The following CDHR2 variants were observed in gnomAD, a reference collection of about 807,000 sequenced individuals.
The protein encoded by CDHR2 is cadherin-related family member 2.
In CDHR2, 104 loss-of-function variants were observed where a neutral mutation model predicts 138.6. The observed-to-expected ratio is 0.75, with a 90% CI of 0.64 to 0.88. CDHR2 has a LOEUF of 0.88. Among genes scored for constraint, CDHR2 ranks in the 40% least tolerant of loss-of-function variants. The pLI is 0.00. For missense variants in CDHR2, 1,624 were observed against 1,727.6 expected, an observed-to-expected ratio of 0.94 and a Z score of 1.06; for synonymous variants, 755 against 742.8, an observed-to-expected ratio of 1.02 and a Z score of -0.27.
At chr5:176,556,217 A>T (rs1463129653) in intron 1 of CDHR2, among the ~76,000 whole-genome samples, 1 of 152,126 alleles carries the variant, frequency 6.6e-6, no homozygotes, top group Non-Finnish European at 1.5e-5. Context: ...TAAAAATATC[A>T]AATAGGCCAG....
chr5:176,589,608 G>A lies in CDHR2; in HGVS notation c.3198G>A (p.Ala1066=). Residue 1066 remains alanine, a synonymous_variant, in exon 24 of 32, where the codon GCG becomes GCA. Transcript: ENST00000261944. ...AGGAGGTGGGCGCCAACAGACAGGCGATTAATGCGTAGGTCTGGGGAGCCC... is the reference window on the plus strand; with the variant it reads ...AGGAGGTGGGCGCCAACAGACAGGCAATTAATGCGTAGGTCTGGGGAGCCC... ...PKEEVGANRQ[A]INAALTQATR... 5 of 1,613,960 alleles carry A rather than the reference G, an allele frequency of 3.1e-6. No individual in the cohort carries two copies. Among genetic ancestry groups the A allele is most frequent in the South Asian group, 2.2e-5 (2 of 91,082 alleles).
At chr5:176,574,425 A>G (rs1428043553) in intron 7 of CDHR2, among the ~76,000 whole-genome samples, 1 of 152,074 alleles carries the variant, frequency 6.6e-6, no homozygotes, top group East Asian at 1.9e-4. Flanking sequence ...TCCAAATTCC[A>G]CAGACAATAA....
At chr5:176,591,590 T>C in intron 30 of CDHR2, 106 bp downstream of exon 30, 1 of 867,316 alleles carries the variant, frequency 1.2e-6, no homozygotes, top group Admixed American at 1.8e-5. Flanking sequence ...ACAATGGTGA[T>C]GGTGTGGTCA....
In CDHR2 at chr5:176,577,842, G is replaced by C; in HGVS notation, c.1512+44G>C. 2.5e-6 allele frequency: 4 copies of C among 1,594,470 alleles called. No individual in the cohort carries two copies. The East Asian group carries it at 9.1e-5, about 36-fold the overall frequency. ...GTGGGGCTGTGGGGTCCCAGCAAGC[G>C]GGCGTGCATGTGTGAGTGTGAGAGT... On this transcript the variant is annotated intron_variant, in intron 14 of 31. Coordinates refer to ENST00000261944, the MANE Select transcript of CDHR2 (RefSeq NM_017675.6).
chr5:176,576,230 C>T lies in CDHR2; in HGVS notation c.1194+45C>T. 2 of 1,432,350 alleles carry T rather than the reference C, an allele frequency of 1.4e-6. No individual in the cohort carries two copies. Among genetic ancestry groups the T allele is most frequent in the South Asian group, 1.2e-5 (1 of 83,912 alleles). The allele number at this position is 1,432,350 out of a possible 1,614,324, so 88.7% of individuals were successfully genotyped here. On this transcript the variant is annotated intron_variant, in intron 12 of 31. Transcript: ENST00000261944. This position sits in a 1 kb window ranked among gnomAD's most constrained non-coding sequence, Gnocchi z 4.5. ...TGTGGGCGGGGGTGGCTGGGGGAGG[C>T]CAGTGGGAGCCTGGATCGAGTGACG...
At chr5:176,555,977 C>T (rs918881334) in intron 1 of CDHR2, among the ~76,000 whole-genome samples, 1 of 152,184 alleles carries the variant, frequency 6.6e-6, no homozygotes, top group Admixed American at 6.5e-5. Flanking sequence ...AACATCCTTC[C>T]TGTGTCTCAT....
At chr5:176,570,494 C>T (rs1054419774) in intron 5 of CDHR2, among the ~76,000 whole-genome samples, 1 of 152,200 alleles carries the variant, frequency 6.6e-6, no homozygotes, top group Non-Finnish European at 1.5e-5. Context: ...TACAGGCGCT[C>T]ACCAACCATA....
Position 176,575,809 on chromosome 5 carries a change from G to A in CDHR2, c.930G>A (p.Glu310=). ...NGSLDREQLL[E]ADEEVQLQVT... ...CCCTGGACCGTGAGCAGCTGCTGGA[G>A]GCGGATGAGGAGGTGCAGCTGCAGG... The change falls in exon 11 of 32, where the codon GAG becomes GAA. Residue 310 remains glutamate (E), a synonymous_variant. Coordinates refer to ENST00000261944, the MANE Select transcript of CDHR2 (RefSeq NM_017675.6). 6.4e-7 allele frequency: 1 copy of A among 1,554,022 alleles called. No homozygotes were observed. Among genetic ancestry groups the A allele is most frequent in the Non-Finnish European group, 8.7e-7 (1 of 1,148,270 alleles).
Position 176,581,509 on chromosome 5 carries a change from T to G in CDHR2, c.1985T>G (p.Val662Gly), listed in dbSNP as rs1360328506. Residue 662 changes from valine to glycine, a missense_variant, in exon 17 of 32, where the codon GTG (valine) becomes GGG (glycine). By Grantham distance (109) the Val-to-Gly change is moderately radical (BLOSUM62 -3). This residue lies in a region of CDHR2 where 1,061 missense variants were observed against 1,136.6 expected (regional missense o/e 0.93). Coordinates refer to ENST00000261944, the MANE Select transcript of CDHR2 (RefSeq NM_017675.6). ...AIDPALEGRI[V>G]LTVLVSDCGE... ...GACCCCGCCCTGGAGGGCCGCATTGTGCTGACAGTGCTTGTGTCTGACTGC... is the reference window on the plus strand; with the variant it reads ...GACCCCGCCCTGGAGGGCCGCATTGGGCTGACAGTGCTTGTGTCTGACTGC... 1 of 1,614,194 alleles carries G rather than the reference T, an allele frequency of 6.2e-7. No individual in the cohort carries two copies. Among genetic ancestry groups the G allele is most frequent in the East Asian group, 2.2e-5 (1 of 44,880 alleles).
Position 176,571,205 on chromosome 5 carries a change from A to G in CDHR2, c.316-8A>G, listed in dbSNP as rs775365975. On this transcript the variant is annotated splice_region_variant and splice_polypyrimidine_tract_variant and intron_variant, in intron 5 of 31. Transcript: ENST00000261944. ...TTTCTGGGGTCCCCTGGGCTTTCTC[A>G]CTTGCAGGTGCAGAGGGAGATGCTG... The G allele has an allele frequency of 6.2e-7, 1 of 1,606,138 alleles. No homozygotes were observed. Among genetic ancestry groups the G allele is most frequent in the Non-Finnish European group, 8.5e-7 (1 of 1,173,612 alleles).
At chr5:176,589,862 T>A (rs112145661) in intron 24 of CDHR2, among the ~76,000 whole-genome samples, 2 of 152,216 alleles carry the variant, frequency 1.3e-5, no homozygotes, top group Admixed American at 6.5e-5. Flanking sequence ...GGCTGTGTGT[T>A]GCACAAGGGC....
Position 176,589,435 on chromosome 5 carries a change from G to A in CDHR2, c.3114G>A (p.Leu1038=). The A allele has an allele frequency of 6.2e-7, 1 of 1,603,890 alleles. No homozygotes were observed. Among genetic ancestry groups the A allele is most frequent in the Non-Finnish European group, 8.5e-7 (1 of 1,173,460 alleles). Residue 1038 remains leucine (L), a synonymous_variant, in exon 23 of 32, where the codon CTG becomes CTA. Coordinates refer to ENST00000261944, the MANE Select transcript of CDHR2 (RefSeq NM_017675.6). ...LGPFLEATTT[L]NLFTVDQSYR... ...CTTTCCTGGAAGCCACCACCACCCT[G>A]AATGTGAGTGCTGGTCCCACCTCCA...
At chr5:176,588,707 G>A (rs892476018) in intron 21 of CDHR2, among the ~76,000 whole-genome samples, 1 of 107,540 alleles carries the variant, frequency 9.3e-6, no homozygotes, top group Non-Finnish European at 2.1e-5. Flanking sequence ...GAGACTGTGT[G>A]TGTGAGTGTG....
intron 1 of CDHR2, among the ~76,000 whole-genome samples, chr5:176,554,417 G>C (rs567664177): frequency 6.6e-6 from 1 of 152,338 alleles, no homozygotes; most frequent in East Asian, 1.9e-4. Context: ...TTGTGTGCCA[G>C]GCGCTGAGGT....
At position 176,577,590 on chromosome 5, in the gene CDHR2, G is replaced by A. The variant is rs771554813; in HGVS notation, c.1350+36G>A. ...CTCCGGGGTGCCAGGGGCAGAAGCC[G>A]AGGGGCACTTGGGCCCCACAGCTGC... is the stretch of plus-strand genomic sequence containing the variant. On this transcript the variant is annotated intron_variant, in intron 13 of 31. Transcript: ENST00000261944. 5.5e-5 allele frequency: 89 copies of A among 1,613,816 alleles called. No homozygotes were observed. The Admixed American group carries it at 1.0e-3, about 18-fold the overall frequency.
chr5:176,590,537 C>T, intron 27 of CDHR2, 26 bp from the exon 28 acceptor site: 1 of 1,613,944 alleles, frequency 6.2e-7, no homozygotes, highest in Non-Finnish European at 8.5e-7. Flanking sequence ...GACGAGTGTG[C>T]TTCCCTCACA....
chr5:176,592,681 A>T (rs1758919198), intron 30 of CDHR2, 42 bp from the exon 31 acceptor site: 10 of 1,587,546 alleles, frequency 6.3e-6, no homozygotes, highest in Non-Finnish European at 8.6e-6. Context: ...GTAAGGGAGG[A>T]CTGGGCCTGC....
intron 19 of CDHR2, 80 bp from the exon 20 acceptor site, chr5:176,585,874 T>A (rs1416752926): frequency 4.5e-6 from 5 of 1,102,890 alleles, no homozygotes; most frequent in Non-Finnish European, 6.9e-6. Flanking sequence ...GGGTTGAGGC[T>A]GTGGGGCACA....
rs1757493214 is a variant in CDHR2, at chr5:176,543,103, G to T, written c.-16+334G>T. ...AGAGCGGCGCAGCTCCCGCTGCCGGGCCCGGGACTGCGAGCTCCCGCCGTG... is the reference window on the plus strand; with the variant it reads ...AGAGCGGCGCAGCTCCCGCTGCCGGTCCCGGGACTGCGAGCTCCCGCCGTG... On this transcript the variant is annotated intron_variant, in intron 1 of 31. Transcript: ENST00000510636. The surrounding 1 kb of genome is among the most constrained non-coding windows in gnomAD (Gnocchi z 4.0). 6.6e-6 allele frequency among the ~76,000 whole-genome samples: 1 copy of T among 151,304 alleles called. No homozygotes were observed. The highest frequency in any genetic ancestry group is 2.4e-5 in the African/African-American group (1 of 41,262).
Sources: allele counts gnomAD v4.1 joint callset (sites outside exome capture counted in the v4.1 genomes callset), GRCh38; gene constraint gnomAD v4.1.1; regional missense constraint gnomAD v4.1.1; non-coding constraint Gnocchi (gnomAD v3.1); transcripts MANE v1.5; gene names NCBI Gene and HGNC (gene_info 2026-07-23, HGNC 2026-07-21).